JADE3: variants seen among roughly 807,000 people sequenced by gnomAD.
The protein encoded by JADE3 is protein Jade-3.
Under a neutral mutation model 50.1 loss-of-function variants are expected in JADE3, and 2 were observed. The observed-to-expected ratio is 0.04, with a 90% CI of 0.02 to 0.13. The LOEUF is 0.13. Among genes scored for constraint, JADE3 ranks in the 10% least tolerant of loss-of-function variants. The pLI, the probability that JADE3 is intolerant of heterozygous loss-of-function variation, is 1.00. For missense variants in JADE3, 475 were observed against 634.4 expected (o/e 0.75, Z 2.70); for synonymous variants, 218 against 232.9 (o/e 0.94, Z 0.58).
chrX:46,980,581 A>G (rs1326887186), intron 1 of JADE3, among the ~76,000 whole-genome samples: 1 of 111,339 alleles, frequency 9.0e-6, no homozygotes, highest in Non-Finnish European at 1.9e-5. Flanking sequence ...GTTGCCCTGG[A>G]TATGCTTCTG....
intron 1 of JADE3, among the ~76,000 whole-genome samples, chrX:46,913,556 TTTTTGTTTTG>T (rs782160049): frequency 9.0e-6 from 1 of 111,506 alleles, no homozygotes; most frequent in African/African-American, 3.3e-5. Context: ...GTAGTTTGTT[TTTTTGTTTTG>T]TTTTGTTTTG....
intron 8 of JADE3, among the ~76,000 whole-genome samples, chrX:47,043,425 A>G (rs1929306295): frequency 8.9e-6 from 1 of 112,679 alleles, no homozygotes; most frequent in African/African-American, 3.2e-5. Flanking sequence ...TTTCAGATGG[A>G]AAATTCAATG....
At chrX:46,953,232 A>T (rs1602382733) in intron 1 of JADE3, among the ~76,000 whole-genome samples, 1 of 29,903 alleles carries the variant, frequency 3.3e-5, no homozygotes, top group African/African-American at 1.2e-4. Flanking sequence ...CCACCTCACC[A>T]CTCCAGTTTC....
At chrX:46,988,663 G>A (rs1167925659) in intron 3 of JADE3, among the ~76,000 whole-genome samples, 2 of 111,171 alleles carry the variant, frequency 1.8e-5, no homozygotes, top group African/African-American at 6.6e-5. Context: ...AATATGGTAG[G>A]AACCCTTGGT....
At chrX:46,983,023 A>G (rs1927789320) in intron 1 of JADE3, among the ~76,000 whole-genome samples, 1 of 111,138 alleles carries the variant, frequency 9.0e-6, no homozygotes, top group Non-Finnish European at 1.9e-5. Context: ...GTCCTGGAAT[A>G]TAAATTGCTC....
chrX:47,050,619 A>G (rs1281068652), intron 8 of JADE3, among the ~76,000 whole-genome samples: 1 of 111,802 alleles, frequency 8.9e-6, no homozygotes, highest in Non-Finnish European at 1.9e-5. Flanking sequence ...AAGGTATTAT[A>G]TTTTTCATAT....
At chrX:46,984,792 G>A in intron 1 of JADE3, 92 bp from the exon 2 acceptor site, 2 of 593,910 alleles carry the variant, frequency 3.4e-6, no homozygotes, top group East Asian at 3.4e-5. Flanking sequence ...TGATTTGCTT[G>A]CTGCTATTTC....
chrX:46,949,257 A>T (rs1336609266), intron 1 of JADE3, among the ~76,000 whole-genome samples: 3 of 111,806 alleles, frequency 2.7e-5, no homozygotes, highest in African/African-American at 9.8e-5. Flanking sequence ...TCTACTAGTG[A>T]TGAACATTTC....
intron 7 of JADE3, among the ~76,000 whole-genome samples, chrX:47,034,766 A>ATTT (rs59276816): frequency 2.2e-5 from 2 of 89,124 alleles, no homozygotes; most frequent in African/African-American, 4.2e-5. Flanking sequence ...TGCCTGGCTA[A>ATTT]TTTTTTTTTT....
chrX:46,939,515 C>T (rs1409057754), intron 1 of JADE3, among the ~76,000 whole-genome samples: 5 of 111,573 alleles, frequency 4.5e-5, no homozygotes, highest in Non-Finnish European at 7.5e-5. Context: ...TTGTTAAAAA[C>T]GGACTAGAAT....
intron 7 of JADE3, among the ~76,000 whole-genome samples, chrX:47,034,905 C>T (rs892517395): frequency 3.6e-5 from 4 of 109,780 alleles, no homozygotes; most frequent in Admixed American, 9.8e-5. Flanking sequence ...TGAGCCACTG[C>T]GCCCGGCCGA....
intron 1 of JADE3, among the ~76,000 whole-genome samples, chrX:46,929,495 A>G (rs909412244): frequency 5.4e-5 from 6 of 111,374 alleles, no homozygotes; most frequent in Non-Finnish European, 1.1e-4. Context: ...CTTTCTTCCC[A>G]TAATCTCTGT....
intron 1 of JADE3, among the ~76,000 whole-genome samples, chrX:46,949,401 A>T (rs1334275298): frequency 1.8e-5 from 2 of 112,032 alleles, no homozygotes; most frequent in Non-Finnish European, 3.8e-5. Context: ...TAGGGTGTGC[A>T]CATGTTAAGT....
rs782225941 is a variant in JADE3 at position 46,985,867 on chromosome X, T to G, written c.126+75T>G. On this transcript the variant is annotated intron_variant, in intron 3 of 10. Transcript: ENST00000614628. ...GTCTTCCAAAACCTCATGTTGAAAT[T>G]ATATCCCAATGTTGGAGGTGCAGGC... 2.1e-4 allele frequency: 144 copies of G among 689,648 alleles called. No individual in the cohort carries two copies. In the African/African-American group the frequency reaches 2.4e-3, roughly 12 times the overall value. The allele number at this position is 689,648 out of a possible 1,213,427, so 56.8% of individuals were successfully genotyped here.
chrX:46,928,626 G>A (rs782060763), intron 1 of JADE3, among the ~76,000 whole-genome samples: 3 of 111,909 alleles, frequency 2.7e-5, no homozygotes, highest in East Asian at 5.6e-4. Context: ...CTCTGTCACC[G>A]AGGCTGGAGT....
At chrX:46,952,945 C>T (rs906946776) in intron 1 of JADE3, among the ~76,000 whole-genome samples, 125 of 110,006 alleles carry the variant, frequency 1.1e-3, no homozygotes, top group African/African-American at 3.7e-3. Flanking sequence ...TGGCAGTGAG[C>T]CAATATCGCT....
At chrX:46,990,953 C>T (rs1927976885) in intron 3 of JADE3, among the ~76,000 whole-genome samples, 2 of 108,284 alleles carry the variant, frequency 1.8e-5, no homozygotes, top group Admixed American at 2.0e-4. Flanking sequence ...CAATACGTGC[C>T]CTTTGTGTCT....
intron 1 of JADE3, among the ~76,000 whole-genome samples, chrX:46,955,990 G>T (rs1419195190): frequency 9.0e-6 from 1 of 111,613 alleles, no homozygotes; most frequent in African/African-American, 3.3e-5. Context: ...AATCTCTTTT[G>T]TCCAAAATAT....
intron 4 of JADE3, among the ~76,000 whole-genome samples, chrX:47,021,751 T>C (rs1928798666): frequency 8.9e-6 from 1 of 112,557 alleles, no homozygotes; most frequent in South Asian, 3.6e-4. Context: ...TTGTGAAGTA[T>C]CTCTTTAAGT....
Sources: allele counts gnomAD v4.1 joint callset (sites outside exome capture counted in the v4.1 genomes callset), GRCh38; gene constraint gnomAD v4.1.1; transcripts MANE v1.5; gene names NCBI Gene and HGNC (gene_info 2026-07-23, HGNC 2026-07-21).